SASH1: variants seen among roughly 807,000 people sequenced by gnomAD.
The protein encoded by SASH1 is SAM and SH3 domain containing 1.
A neutral mutation model predicts 125.2 loss-of-function variants in SASH1; 44 were observed. That is an observed-to-expected ratio of 0.35 (90% CI 0.28 to 0.45). The LOEUF (loss-of-function observed/expected upper bound fraction) is 0.45. Among genes scored for constraint, SASH1 ranks in the 20% least tolerant of loss-of-function variants. The pLI, the probability that SASH1 is intolerant of heterozygous loss-of-function variation, is 1.00. For synonymous variants in SASH1, 639 were observed against 649.1 expected, an observed-to-expected ratio of 0.98 and a Z score of 0.24; for missense variants, 1,426 against 1,614.5, an observed-to-expected ratio of 0.88 and a Z score of 2.00.
chr6:148,303,285 T>C (rs1166740221), intron 1 of SASH1, among the ~76,000 whole-genome samples: 1 of 152,008 alleles, frequency 6.6e-6, no homozygotes, highest in Non-Finnish European at 1.5e-5. Context: ...TGGCCTAAAA[T>C]TGATTTAAAA....
intron 4 of SASH1, among the ~76,000 whole-genome samples, chr6:148,461,187 T>G (rs573197952): frequency 5.3e-5 from 8 of 152,312 alleles, no homozygotes; most frequent in African/African-American, 1.9e-4. Context: ...CTTAGATTGG[T>G]GGCAGCGCTG....
the SASH1 span, among the ~76,000 whole-genome samples, chr6:148,216,904 T>A: frequency 3.0e-4 from 45 of 152,112 alleles, no homozygotes; most frequent in Middle Eastern, 3.4e-3. Context: ...ATTTTTTTGT[T>A]TTTAGTAGAG....
intron 1 of SASH1, among the ~76,000 whole-genome samples, chr6:148,298,762 G>GAGAA (rs1779847064): frequency 7.3e-6 from 1 of 136,884 alleles, no homozygotes; most frequent in Non-Finnish European, 1.6e-5. Context: ...GAAGAAAAGA[G>GAGAA]AGAAAGAAAA....
chr6:148,202,587 G>A, the SASH1 span, among the ~76,000 whole-genome samples: 2 of 152,218 alleles, frequency 1.3e-5, no homozygotes, highest in African/African-American at 4.8e-5. Context: ...GTTTAGGATT[G>A]ATTACAAAAT....
rs41288415 is a variant in SASH1, at chr6:148,533,734, G to C, written c.1735-37G>C. On this transcript the variant is annotated intron_variant, in intron 14 of 19. Transcript: ENST00000367467. This position sits in a 1 kb window ranked among gnomAD's most constrained non-coding sequence, Gnocchi z 6.2. ...TTCTTGATTTGTACGTTCATGGAAT[G>C]TACCTAATGGAAAGATCTTTGCTCC... The C allele has an allele frequency of 0.11, 168,289 of 1,555,870 alleles. 9,540 individuals are homozygous for C. Among genetic ancestry groups the C allele is most frequent in the East Asian group, 0.12 (5,391 of 44,410 alleles).
chr6:148,198,438 G>A, the SASH1 span, among the ~76,000 whole-genome samples: 7 of 152,090 alleles, frequency 4.6e-5, no homozygotes, highest in South Asian at 2.1e-4. Context: ...TGAGGTAGCC[G>A]CCCACTGATA....
At chr6:148,328,576 G>A (rs1780904165) in intron 1 of SASH1, among the ~76,000 whole-genome samples, 2 of 150,188 alleles carry the variant, frequency 1.3e-5, no homozygotes, top group Admixed American at 6.7e-5. Context: ...CTGGGTGACA[G>A]AGCAAGACTC....
chr6:148,332,387 G>GT (rs1164652347), intron 1 of SASH1, among the ~76,000 whole-genome samples: 1 of 152,114 alleles, frequency 6.6e-6, no homozygotes, highest in Non-Finnish European at 1.5e-5. Context: ...AGGAACTATG[G>GT]TAAAAAATAA....
the SASH1 span, among the ~76,000 whole-genome samples, chr6:148,233,033 T>C: frequency 6.6e-6 from 1 of 151,884 alleles, no homozygotes; most frequent in African/African-American, 2.4e-5. Flanking sequence ...CTGGCCAACA[T>C]GGAGAAACCC....
the SASH1 span, among the ~76,000 whole-genome samples, chr6:148,231,086 C>T: frequency 0.056 from 8,549 of 152,184 alleles, 785 homozygotes; most frequent in African/African-American, 0.2. Context: ...TCTATGTTTT[C>T]TTCTAGGAGC....
rs140584540 is a variant in SASH1, at chr6:148,533,501, C to T, written c.1735-270C>T. 6.6e-5 allele frequency among the ~76,000 whole-genome samples: 10 copies of T among 152,202 alleles called. No homozygotes were observed. Among genetic ancestry groups the T allele is most frequent in the African/African-American group, 2.4e-4 (10 of 41,548 alleles). ...CCTGGCTGAGAGCACCAGGGGTACC[C>T]CAGGCACCCCTGGTTCTGCAGGGCA... On this transcript the variant is annotated intron_variant, in intron 14 of 19. Coordinates refer to ENST00000367467, the MANE Select transcript of SASH1 (RefSeq NM_015278.5). The surrounding 1 kb of genome is among the most constrained non-coding windows in gnomAD (Gnocchi z 6.2).
At chr6:148,336,176 CTT>C (rs61290611) in intron 1 of SASH1, among the ~76,000 whole-genome samples, 4 of 70,722 alleles carry the variant, frequency 5.7e-5, no homozygotes, top group South Asian at 5.7e-4. Context: ...AAACTGCATC[CTT>C]TTTTTTTTTT....
intron 4 of SASH1, among the ~76,000 whole-genome samples, chr6:148,467,170 C>G (rs758654660): frequency 8.1e-5 from 11 of 135,680 alleles, no homozygotes; most frequent in Non-Finnish European, 1.4e-4. Context: ...GATCTTGGCT[C>G]ACTTCAACCT....
chr6:148,472,619 AG>A (rs1778170834), intron 6 of SASH1, among the ~76,000 whole-genome samples: 2 of 152,182 alleles, frequency 1.3e-5, no homozygotes. Flanking sequence ...GAATCAACCC[AG>A]CAGGCTTCTC....
At chr6:148,277,649 C>CAA (rs1045002127) in intron 1 of SASH1, among the ~76,000 whole-genome samples, 2 of 152,122 alleles carry the variant, frequency 1.3e-5, no homozygotes, top group African/African-American at 4.8e-5. Flanking sequence ...AAAATAAAGA[C>CAA]AATTGTGCTT....
At chr6:148,324,477 T>C (rs1239743326) in intron 1 of SASH1, among the ~76,000 whole-genome samples, 2 of 152,178 alleles carry the variant, frequency 1.3e-5, no homozygotes, top group African/African-American at 4.8e-5. Flanking sequence ...CCTTGATTCC[T>C]TCCCTTTCTC....
chr6:148,381,817 A>C (rs1480133425), intron 1 of SASH1, among the ~76,000 whole-genome samples: 1 of 150,832 alleles, frequency 6.6e-6, no homozygotes, highest in African/African-American at 2.4e-5. Flanking sequence ...TTTTTAGTAG[A>C]GATGAGGTTT....
intron 1 of SASH1, among the ~76,000 whole-genome samples, chr6:148,329,905 G>C (rs1472607254): frequency 1.3e-5 from 2 of 152,042 alleles, no homozygotes; most frequent in East Asian, 3.9e-4. Context: ...AGGGCTGGCA[G>C]ATGAATTTTA....
chr6:148,299,671 GA>G (rs57758957), intron 1 of SASH1, among the ~76,000 whole-genome samples: 18,332 of 114,848 alleles, frequency 0.16, 1,252 homozygotes, highest in East Asian at 0.28. Context: ...CACCTCAAAA[GA>G]AAAAAAAAAA....
Sources: gnomAD v4.1 joint callset for allele counts (sites outside exome capture counted in the v4.1 genomes callset) on GRCh38, gnomAD v4.1.1 for gene constraint, Gnocchi (gnomAD v3.1) non-coding constraint, MANE v1.5 for transcripts, NCBI Gene and HGNC (gene_info 2026-07-23, HGNC 2026-07-21) for gene names.